Variants in RAPGEF4 observed in about 807,000 individuals in gnomAD.
RAPGEF4 encodes the protein Rap guanine nucleotide exchange factor 4, also known as RAP guanine-nucleotide-exchange factor (GEF) 4.
In RAPGEF4, 66 loss-of-function variants were observed where a neutral mutation model predicts 147.9. The ratio of observed to expected loss-of-function variants is 0.45; its 90% CI spans 0.37 to 0.55. The LOEUF (loss-of-function observed/expected upper bound fraction) is 0.55. RAPGEF4 is among the 20% of genes least tolerant of loss of function. The pLI, the probability that RAPGEF4 is intolerant of heterozygous loss-of-function variation, is 0.00. For synonymous variants in RAPGEF4, 419 were observed against 442.7 expected (o/e 0.95, Z 0.67); for missense variants, 1,071 against 1,257.3 (o/e 0.85, Z 2.24).
At chr2:172,888,072 G>A (rs147777843) in intron 4 of RAPGEF4, among the ~76,000 whole-genome samples, 143 of 152,224 alleles carry the variant, frequency 9.4e-4, no homozygotes, top group African/African-American at 2.8e-3. Flanking sequence ...CCGTGCATCC[G>A]TCCAGGAGCC....
At chr2:172,871,177 C>T (rs1198428166) in intron 4 of RAPGEF4, among the ~76,000 whole-genome samples, 1 of 152,156 alleles carries the variant, frequency 6.6e-6, no homozygotes, top group East Asian at 1.9e-4. Context: ...TCCTGCTAAT[C>T]AGGCAGGAAC....
intron 4 of RAPGEF4, among the ~76,000 whole-genome samples, chr2:172,825,275 G>A (rs1046106041): frequency 2.6e-5 from 4 of 152,206 alleles, no homozygotes; most frequent in Admixed American, 6.5e-5. Context: ...ATAATAAAGT[G>A]TTGAATATCT....
chr2:172,828,221 C>T (rs1689891818), intron 4 of RAPGEF4, among the ~76,000 whole-genome samples: 1 of 152,060 alleles, frequency 6.6e-6, no homozygotes, highest in Admixed American at 6.5e-5. Flanking sequence ...AAGTAATTGC[C>T]AAGGAGAGTG....
chr2:172,929,581 GTTTAA>G (rs1246346320), intron 6 of RAPGEF4, among the ~76,000 whole-genome samples: 1 of 152,074 alleles, frequency 6.6e-6, no homozygotes, highest in Non-Finnish European at 1.5e-5. Context: ...ATCCTTTTTA[GTTTAA>G]TTTAGTTTTC....
At chr2:173,017,606 C>A in intron 21 of RAPGEF4, 102 bp downstream of exon 21, 4 of 1,102,654 alleles carry the variant, frequency 3.6e-6, no homozygotes, top group Non-Finnish European at 3.9e-6. Context: ...TTTGAAGATG[C>A]CCTGTTGCCC....
At chr2:172,940,697 C>T (rs893773593) in intron 6 of RAPGEF4, among the ~76,000 whole-genome samples, 4 of 152,172 alleles carry the variant, frequency 2.6e-5, no homozygotes, top group African/African-American at 9.7e-5. Context: ...GCCTAATACA[C>T]TATTCTGTCT....
intron 4 of RAPGEF4, among the ~76,000 whole-genome samples, chr2:172,831,757 A>C (rs1488312084): frequency 2.0e-5 from 3 of 152,156 alleles, no homozygotes; most frequent in African/African-American, 7.2e-5. Context: ...TGGGATATCA[A>C]ATTGGTACCA....
At chr2:172,825,860 C>T (rs1327617195) in intron 4 of RAPGEF4, among the ~76,000 whole-genome samples, 2 of 151,788 alleles carry the variant, frequency 1.3e-5, no homozygotes, top group African/African-American at 4.8e-5. Context: ...TGTGTTTTAC[C>T]CAATGGTGTT....
intron 1 of RAPGEF4, among the ~76,000 whole-genome samples, chr2:172,778,857 T>C (rs1335766603): frequency 6.6e-6 from 1 of 152,134 alleles, no homozygotes; most frequent in Middle Eastern, 3.2e-3. Flanking sequence ...AATAAGCTGT[T>C]ATTCATTTAA....
intron 12 of RAPGEF4, among the ~76,000 whole-genome samples, chr2:172,986,597 T>C (rs1692272518): frequency 6.6e-6 from 1 of 152,206 alleles, no homozygotes. Context: ...TGTTTTCATT[T>C]TATTATGAAA....
intron 4 of RAPGEF4, 59 bp from the exon 5 acceptor site, chr2:172,917,742 TA>T: frequency 6.9e-7 from 1 of 1,439,688 alleles, no homozygotes; most frequent in Non-Finnish European, 9.8e-7. Context: ...AACATGTAAA[TA>T]AATGAATGCT....
intron 16 of RAPGEF4, among the ~76,000 whole-genome samples, chr2:173,000,381 G>A (rs559061289): frequency 6.6e-6 from 1 of 152,280 alleles, no homozygotes; most frequent in Non-Finnish European, 1.5e-5. Flanking sequence ...TTTAAGATGA[G>A]CGTCACAATC....
At chr2:172,994,361 G>A (rs183103877) in intron 15 of RAPGEF4, among the ~76,000 whole-genome samples, 94 of 152,292 alleles carry the variant, frequency 6.2e-4, no homozygotes, top group African/African-American at 2.2e-3. Context: ...GCGTCTTGCT[G>A]TACAAGCAGA....
At chr2:172,826,876 A>T (rs1436887364) in intron 4 of RAPGEF4, among the ~76,000 whole-genome samples, 2 of 151,978 alleles carry the variant, frequency 1.3e-5, no homozygotes, top group African/African-American at 4.8e-5. Context: ...AGGTGGGAGG[A>T]TCACGTAAGC....
intron 6 of RAPGEF4, among the ~76,000 whole-genome samples, chr2:172,938,214 T>TAC (rs57780996): frequency 0.098 from 14,388 of 147,338 alleles, 770 homozygotes; most frequent in Middle Eastern, 0.13. Context: ...TATCTGTAAG[T>TAC]ACACACACAC....
intron 10 of RAPGEF4, among the ~76,000 whole-genome samples, chr2:172,972,592 C>A (rs987036434): frequency 2.6e-5 from 4 of 152,168 alleles, no homozygotes; most frequent in East Asian, 1.9e-4. Flanking sequence ...GTAGAATTTA[C>A]CTGAATAAAT....
intron 4 of RAPGEF4, among the ~76,000 whole-genome samples, chr2:172,866,405 ATAT>A (rs1465550996): frequency 6.6e-6 from 1 of 152,014 alleles, no homozygotes; most frequent in Admixed American, 6.6e-5. Context: ...CCTTCTTGAA[ATAT>A]TATTTTCTTG....
chr2:172,961,504 T>C (rs1277918202), intron 8 of RAPGEF4, among the ~76,000 whole-genome samples: 1 of 152,204 alleles, frequency 6.6e-6, no homozygotes. Context: ...TGCTAGTGAC[T>C]TTTAGGAAGC....
chr2:172,873,968 T>C (rs1419328237), intron 4 of RAPGEF4, among the ~76,000 whole-genome samples: 2 of 152,122 alleles, frequency 1.3e-5, no homozygotes, highest in Non-Finnish European at 2.9e-5. Context: ...CACTGGTCAT[T>C]AGAGAACTGC....
Sources: allele counts gnomAD v4.1 joint callset (sites outside exome capture counted in the v4.1 genomes callset), GRCh38; gene constraint gnomAD v4.1.1; transcripts MANE v1.5; gene names NCBI Gene and HGNC (gene_info 2026-07-23, HGNC 2026-07-21).